NXPE2: variants seen among roughly 807,000 people sequenced by gnomAD.
The protein encoded by NXPE2 is NXPE family member 2.
NXPE2 carries 34 observed loss-of-function variants against 34.4 expected under a neutral mutation model. The ratio of observed to expected loss-of-function variants is 0.99; its 90% CI spans 0.75 to 1.31. The LOEUF is 1.31. NXPE2 is among the 40% of genes most tolerant of loss of function. The pLI, the probability that NXPE2 is intolerant of heterozygous loss-of-function variation, is 0.00. For synonymous variants in NXPE2, 235 were observed against 231.3 expected (o/e 1.02, Z -0.15); for missense variants, 649 against 672.5 (o/e 0.97, Z 0.39).
At chr11:114,733,372 C>T in the NXPE2 span, among the ~76,000 whole-genome samples, 1 of 152,180 alleles carries the variant, frequency 6.6e-6, no homozygotes, top group African/African-American at 2.4e-5. Context: ...GGATTACAGG[C>T]GTGAGCCACC....
chr11:114,466,282 C>A, the NXPE2 span, among the ~76,000 whole-genome samples: 1 of 152,166 alleles, frequency 6.6e-6, no homozygotes, highest in Admixed American at 6.5e-5. Flanking sequence ...CTCTTCCTTT[C>A]TCTATTACAG....
At chr11:114,536,146 C>G in the NXPE2 span, among the ~76,000 whole-genome samples, 1 of 152,142 alleles carries the variant, frequency 6.6e-6, no homozygotes, top group Admixed American at 6.5e-5. Flanking sequence ...AACCCCTCAA[C>G]TACATGGAAA....
chr11:114,611,524 T>A, the NXPE2 span, among the ~76,000 whole-genome samples: 3 of 151,974 alleles, frequency 2.0e-5, no homozygotes, highest in African/African-American at 7.2e-5. Flanking sequence ...TAACCACTGT[T>A]ACCCGGTTTA....
intron 4 of NXPE2, among the ~76,000 whole-genome samples, chr11:114,705,460 C>T (rs116762781): frequency 1.2e-3 from 185 of 152,302 alleles, no homozygotes; most frequent in African/African-American, 4.3e-3. Context: ...TGCTATTTCA[C>T]GGCCACACAT....
At chr11:114,539,156 C>G in the NXPE2 span, among the ~76,000 whole-genome samples, 14 of 152,182 alleles carry the variant, frequency 9.2e-5, 1 homozygote, top group South Asian at 1.9e-3. Context: ...AGCTGGAAAC[C>G]ATCATTCTGA....
the NXPE2 span, among the ~76,000 whole-genome samples, chr11:114,468,308 A>G: frequency 1.3e-5 from 2 of 152,176 alleles, no homozygotes. Context: ...TGTGCTATGA[A>G]TCAACAGCAT....
rs1178462460 is a variant in NXPE2, at chr11:114,698,285, AG to A, written c.379del (p.Asp127IlefsTer9). The A allele has an allele frequency of 1.2e-6, 2 of 1,613,518 alleles. No individual in the cohort carries two copies. The highest frequency in any genetic ancestry group is 1.7e-6 in the Non-Finnish European group (2 of 1,179,726). ...CCTCAACCCTCAAGATACGTACTGC[AG>A]GGGGGATCAGCTGGACATCCTTCTG... ...TILNPQDTYC[R>X]GDQLDILLEV... is the part of the protein sequence containing the mutation. On this transcript the variant is annotated frameshift_variant, in exon 3 of 6. Coordinates refer to ENST00000389586, the MANE Select transcript of NXPE2 (RefSeq NM_182495.6). LOFTEE classifies it high-confidence loss of function.
the NXPE2 span, among the ~76,000 whole-genome samples, chr11:114,586,566 G>A: frequency 2.6e-5 from 4 of 152,158 alleles, no homozygotes; most frequent in Non-Finnish European, 5.9e-5. Context: ...TGTCCTCAGG[G>A]TGCTGGGAAT....
the NXPE2 span, among the ~76,000 whole-genome samples, chr11:114,521,291 A>G: frequency 6.6e-6 from 1 of 152,148 alleles, no homozygotes; most frequent in African/African-American, 2.4e-5. Context: ...CTCTTTTTGT[A>G]TTGCTATGAC....
chr11:114,577,085 A>G, the NXPE2 span, among the ~76,000 whole-genome samples: 6 of 123,108 alleles, frequency 4.9e-5, no homozygotes, highest in Non-Finnish European at 9.7e-5. Context: ...TTATATATAT[A>G]CATATATATA....
the NXPE2 span, among the ~76,000 whole-genome samples, chr11:114,629,470 AC>A: frequency 1.3e-5 from 2 of 151,120 alleles, no homozygotes; most frequent in African/African-American, 2.4e-5. Flanking sequence ...AAATTCAACA[AC>A]CCTTCATGCT....
chr11:114,773,901 G>A, the NXPE2 span, among the ~76,000 whole-genome samples: 1 of 152,174 alleles, frequency 6.6e-6, no homozygotes, highest in African/African-American at 2.4e-5. Context: ...GTTTCGTCTG[G>A]ACTACATCAT....
chr11:114,802,323 T>TTACAGAATTTTTCTATTTGAAGGAAACA, the NXPE2 span, among the ~76,000 whole-genome samples: 8 of 152,220 alleles, frequency 5.3e-5, no homozygotes, highest in Non-Finnish European at 1.5e-5. Flanking sequence ...GTAGTCTTCA[T>TTACAGAATTTTTCTATTTGAAGGAAACA]TACAGAATTT....
chr11:114,633,866 T>A, the NXPE2 span, among the ~76,000 whole-genome samples: 2 of 152,002 alleles, frequency 1.3e-5, no homozygotes, highest in Non-Finnish European at 2.9e-5. Context: ...GTCTATCATT[T>A]TTGGATATTG....
the NXPE2 span, chr11:114,551,453 G>A: frequency 8.1e-7 from 1 of 1,232,256 alleles, no homozygotes. Flanking sequence ...TGAAATGGAA[G>A]TCAAAGTCAC....
the NXPE2 span, among the ~76,000 whole-genome samples, chr11:114,668,570 T>C: frequency 6.6e-6 from 1 of 152,032 alleles, no homozygotes; most frequent in African/African-American, 2.4e-5. Context: ...GTTAGAGTTC[T>C]CCAGATAAAC....
At chr11:114,648,056 A>G in the NXPE2 span, among the ~76,000 whole-genome samples, 1 of 152,152 alleles carries the variant, frequency 6.6e-6, no homozygotes, top group Non-Finnish European at 1.5e-5. Context: ...CCTGTGGTAT[A>G]TAAGACATAT....
upstream of NXPE2, among the ~76,000 whole-genome samples, chr11:114,676,457 T>C (rs960193110): frequency 6.6e-6 from 1 of 151,960 alleles, no homozygotes; most frequent in Non-Finnish European, 1.5e-5. Context: ...AGGAGCTGAA[T>C]AGATATTTCT....
the NXPE2 span, among the ~76,000 whole-genome samples, chr11:114,525,566 C>A: frequency 2.0e-5 from 3 of 152,080 alleles, no homozygotes; most frequent in African/African-American, 7.2e-5. Context: ...CAGCTTCCCC[C>A]TTCCCCCCTT....
Sources: gnomAD v4.1 joint callset for allele counts (sites outside exome capture counted in the v4.1 genomes callset) on GRCh38, gnomAD v4.1.1 for gene constraint, MANE v1.5 for transcripts, NCBI Gene and HGNC (gene_info 2026-07-23, HGNC 2026-07-21) for gene names.